The following DCC variants were observed in gnomAD, a reference collection of about 807,000 sequenced individuals.
DCC encodes netrin receptor DCC.
DCC carries 58 observed loss-of-function variants against 172.5 expected under a neutral mutation model. That is an observed-to-expected ratio of 0.34 (90% CI 0.27 to 0.42). DCC has a LOEUF of 0.42. Among genes scored for constraint, DCC ranks in the 10% least tolerant of loss-of-function variants. DCC has a pLI of 1.00. For missense variants in DCC, 1,740 were observed against 1,791.0 expected, an observed-to-expected ratio of 0.97 and a Z score of 0.51; for synonymous variants, 709 against 644.5, an observed-to-expected ratio of 1.10 and a Z score of -1.52.
At chr18:53,082,927 C>T (rs538646619) in intron 7 of DCC, among the ~76,000 whole-genome samples, 3 of 152,122 alleles carry the variant, frequency 2.0e-5, no homozygotes, top group African/African-American at 4.8e-5. Flanking sequence ...TCCTGAAATT[C>T]TACATCTCAC....
intron 1 of DCC, among the ~76,000 whole-genome samples, chr18:52,719,009 A>G (rs2036432801): frequency 6.6e-6 from 1 of 152,150 alleles, no homozygotes; most frequent in Non-Finnish European, 1.5e-5. Flanking sequence ...AAACTCAGGG[A>G]AGAATCCCTC....
intron 7 of DCC, among the ~76,000 whole-genome samples, chr18:53,124,727 A>T (rs186017704): frequency 4.5e-4 from 68 of 152,134 alleles, no homozygotes; most frequent in African/African-American, 1.6e-3. Flanking sequence ...GCACTTTAGG[A>T]AGCTAAGGCA....
intron 5 of DCC, among the ~76,000 whole-genome samples, chr18:52,946,120 C>T (rs2040540689): frequency 6.6e-6 from 1 of 152,044 alleles, no homozygotes; most frequent in Non-Finnish European, 1.5e-5. Flanking sequence ...TTTTTCTCTC[C>T]AGGTAGGTTT....
At chr18:52,721,353 A>G (rs2036471388) in intron 1 of DCC, among the ~76,000 whole-genome samples, 1 of 152,208 alleles carries the variant, frequency 6.6e-6, no homozygotes, top group African/African-American at 2.4e-5. Context: ...CTTCAAGCTC[A>G]AAAAATTCTC....
chr18:52,864,467 A>G (rs1004265340), intron 2 of DCC, among the ~76,000 whole-genome samples: 3 of 152,208 alleles, frequency 2.0e-5, no homozygotes, highest in Non-Finnish European at 2.9e-5. Flanking sequence ...TTGGAGACCA[A>G]TCTAGTTTGA....
At chr18:52,488,798 G>A (rs929268545) in intron 1 of DCC, among the ~76,000 whole-genome samples, 1 of 151,996 alleles carries the variant, frequency 6.6e-6, no homozygotes, top group Non-Finnish European at 1.5e-5. Flanking sequence ...AAGATACTAG[G>A]GATCAAATAA....
At chr18:53,228,758 A>G (rs532687374) in intron 12 of DCC, among the ~76,000 whole-genome samples, 27 of 152,272 alleles carry the variant, frequency 1.8e-4, no homozygotes, top group Middle Eastern at 3.4e-3. Flanking sequence ...AGGGGCCCCA[A>G]TTAAAGTTCT....
intron 16 of DCC, among the ~76,000 whole-genome samples, chr18:53,390,592 GA>G (rs1192917068): frequency 3.3e-5 from 5 of 152,104 alleles, no homozygotes; most frequent in African/African-American, 1.2e-4. Flanking sequence ...ATAATATAAA[GA>G]TTTTTTAAGT....
intron 1 of DCC, among the ~76,000 whole-genome samples, chr18:52,709,296 C>A (rs998825236): frequency 2.2e-4 from 34 of 152,284 alleles, no homozygotes; most frequent in African/African-American, 7.9e-4. Context: ...CATCATGCTA[C>A]TTATAGTCTA....
At chr18:52,508,113 T>A (rs1183660827) in intron 1 of DCC, among the ~76,000 whole-genome samples, 1 of 148,754 alleles carries the variant, frequency 6.7e-6, no homozygotes, top group African/African-American at 2.5e-5. Flanking sequence ...AAAAAAAAAT[T>A]ATTATTATTA....
At chr18:53,079,627 A>G (rs1483956790) in intron 7 of DCC, among the ~76,000 whole-genome samples, 2 of 152,178 alleles carry the variant, frequency 1.3e-5, no homozygotes, top group Non-Finnish European at 2.9e-5. Flanking sequence ...TCCCAGGAAT[A>G]TTTAAGTGCA....
At chr18:52,841,503 A>G (rs1466136084) in intron 2 of DCC, among the ~76,000 whole-genome samples, 1 of 152,186 alleles carries the variant, frequency 6.6e-6, no homozygotes. Context: ...AAACACTGTA[A>G]AAGGCATTCT....
intron 1 of DCC, among the ~76,000 whole-genome samples, chr18:52,471,094 T>C (rs1290455745): frequency 1.3e-5 from 2 of 152,182 alleles, no homozygotes; most frequent in African/African-American, 4.8e-5. Flanking sequence ...TTCATACTTG[T>C]AATGCCAGCA....
chr18:53,264,060 C>G (rs560249247), intron 12 of DCC, among the ~76,000 whole-genome samples: 1 of 152,122 alleles, frequency 6.6e-6, no homozygotes, highest in Non-Finnish European at 1.5e-5. Context: ...GCTCTTACAA[C>G]CCACAAATCC....
intron 17 of DCC, among the ~76,000 whole-genome samples, chr18:53,395,276 G>A (rs11082990): frequency 0.42 from 64,257 of 151,928 alleles, 15,376 homozygotes; most frequent in Non-Finnish European, 0.55. Flanking sequence ...AGCTTTCTAT[G>A]AGGTTTTAGA....
chr18:53,417,100 C>G (rs956838418), intron 21 of DCC, among the ~76,000 whole-genome samples: 1 of 152,134 alleles, frequency 6.6e-6, no homozygotes, highest in Non-Finnish European at 1.5e-5. Context: ...TACTTGCAAA[C>G]GTGTCTCATA....
chr18:53,001,012 T>C (rs999408573), intron 5 of DCC, among the ~76,000 whole-genome samples: 1 of 152,040 alleles, frequency 6.6e-6, no homozygotes, highest in Non-Finnish European at 1.5e-5. Flanking sequence ...CCCAACTTTA[T>C]GTTCAGTGAC....
At chr18:52,635,965 C>A (rs1598974206) in intron 1 of DCC, among the ~76,000 whole-genome samples, 2 of 152,340 alleles carry the variant, frequency 1.3e-5, no homozygotes, top group East Asian at 1.9e-4. Context: ...CACAGACCCT[C>A]TGACGGAAGT....
At chr18:52,983,094 T>C (rs1285286096) in intron 5 of DCC, among the ~76,000 whole-genome samples, 1 of 152,196 alleles carries the variant, frequency 6.6e-6, no homozygotes, top group Non-Finnish European at 1.5e-5. Context: ...TATATGATGA[T>C]TCTAATATGG....
Sources: allele counts gnomAD v4.1 joint callset (sites outside exome capture counted in the v4.1 genomes callset), GRCh38; gene constraint gnomAD v4.1.1; transcripts MANE v1.5; gene names NCBI Gene and HGNC (gene_info 2026-07-23, HGNC 2026-07-21).